Variants in IL1RAPL2 observed in about 807,000 individuals in gnomAD.
IL1RAPL2 encodes the protein X-linked interleukin-1 receptor accessory protein-like 2.
A neutral mutation model predicts 44.1 loss-of-function variants in IL1RAPL2; 3 were observed. The ratio of observed to expected loss-of-function variants is 0.07; its 90% CI spans 0.03 to 0.18. The LOEUF (loss-of-function observed/expected upper bound fraction) is 0.18, where lower values mean the gene tolerates loss of function less well. Among genes scored for constraint, IL1RAPL2 ranks in the 10% least tolerant of loss-of-function variants. IL1RAPL2 has a pLI of 1.00. For missense variants in IL1RAPL2, 391 were observed against 496.4 expected, an observed-to-expected ratio of 0.79 and a Z score of 2.02; for synonymous variants, 181 against 178.8, an observed-to-expected ratio of 1.01 and a Z score of -0.10.
intron 6 of IL1RAPL2, among the ~76,000 whole-genome samples, chrX:105,486,584 A>G (rs1011011718): frequency 9.0e-6 from 1 of 111,244 alleles, no homozygotes; most frequent in Admixed American, 9.6e-5. Context: ...TTGAACTGGG[A>G]TAAAAATATT....
At chrX:104,887,430 T>G (rs995389974) in intron 2 of IL1RAPL2, among the ~76,000 whole-genome samples, 6 of 112,117 alleles carry the variant, frequency 5.4e-5, no homozygotes, top group Admixed American at 9.4e-5. Context: ...GAAATTGATG[T>G]AGTAGCAAAA....
intron 2 of IL1RAPL2, among the ~76,000 whole-genome samples, chrX:104,960,005 C>T (rs929955648): frequency 1.8e-5 from 2 of 111,831 alleles, no homozygotes; most frequent in African/African-American, 3.2e-5. Flanking sequence ...TTCTTTTTCT[C>T]ATTATTATTT....
chrX:105,363,965 TG>T (rs1182505740), intron 5 of IL1RAPL2, among the ~76,000 whole-genome samples: 9 of 111,993 alleles, frequency 8.0e-5, no homozygotes. Context: ...AATATATTTT[TG>T]CTCTTGTTGC....
chrX:105,073,032 TTTC>T (rs2032230726), intron 2 of IL1RAPL2, among the ~76,000 whole-genome samples: 4 of 104,070 alleles, frequency 3.8e-5, no homozygotes, highest in Admixed American at 3.0e-4. Context: ...TGTGCCACAT[TTTC>T]TTTTTTTTTC....
At chrX:105,628,719 G>A (rs1394280570) in intron 6 of IL1RAPL2, among the ~76,000 whole-genome samples, 2 of 112,112 alleles carry the variant, frequency 1.8e-5, no homozygotes, top group African/African-American at 6.5e-5. Context: ...TGGATCACTT[G>A]AGGTCAGGAG....
At chrX:105,039,492 T>G (rs2031683903) in intron 2 of IL1RAPL2, among the ~76,000 whole-genome samples, 1 of 111,895 alleles carries the variant, frequency 8.9e-6, no homozygotes, top group Admixed American at 9.5e-5. Context: ...ATAAATAGGT[T>G]CTGGGTCAAC....
At chrX:104,778,170 T>A (rs1381101352) in intron 2 of IL1RAPL2, among the ~76,000 whole-genome samples, 1 of 110,992 alleles carries the variant, frequency 9.0e-6, no homozygotes, top group Non-Finnish European at 1.9e-5. Context: ...ATTTAAGTTG[T>A]TTGCCCATTT....
chrX:105,568,185 A>C (rs1453279516), intron 6 of IL1RAPL2, among the ~76,000 whole-genome samples: 1 of 111,096 alleles, frequency 9.0e-6, no homozygotes, highest in African/African-American at 3.3e-5. Context: ...ACATCATTTT[A>C]TGTTAGAGCT....
chrX:104,594,323 G>A (rs1002214422), intron 1 of IL1RAPL2, among the ~76,000 whole-genome samples: 1 of 112,117 alleles, frequency 8.9e-6, no homozygotes, highest in Non-Finnish European at 1.9e-5. Flanking sequence ...TGCATTTAGT[G>A]TTCTACTTGT....
At position 104,786,565 on chromosome X, in the gene IL1RAPL2, G is replaced by C. The variant is rs1160631240; in HGVS notation, c.82+127570G>C. The stretch of plus-strand genomic sequence containing the variant: ...ATATAGCTGGGCAATGTAGAATGCA[G>C]GGCTGCTAATAGCTTAACAACTTAA... On this transcript the variant is annotated intron_variant, in intron 2 of 10. Transcript: ENST00000372582. Among the ~76,000 whole-genome samples, 3 of 111,604 alleles carry C rather than the reference G, an allele frequency of 2.7e-5. No individual in the cohort carries two copies. In the Admixed American group the frequency reaches 2.9e-4, roughly 11 times the overall value.
At chrX:105,700,499 C>T (rs1196141240) in intron 6 of IL1RAPL2, among the ~76,000 whole-genome samples, 1 of 111,604 alleles carries the variant, frequency 9.0e-6, no homozygotes, top group African/African-American at 3.2e-5. Context: ...GTCTGTCATT[C>T]TCCCAGGCAA....
At chrX:105,276,765 C>T (rs760770080) in intron 5 of IL1RAPL2, among the ~76,000 whole-genome samples, 2 of 112,094 alleles carry the variant, frequency 1.8e-5, no homozygotes, top group East Asian at 2.8e-4. Context: ...ATTAAACAAG[C>T]GACTGACTGT....
At chrX:105,680,726 T>C (rs1352301998) in intron 6 of IL1RAPL2, among the ~76,000 whole-genome samples, 1 of 112,232 alleles carries the variant, frequency 8.9e-6, no homozygotes, top group Non-Finnish European at 1.9e-5. Flanking sequence ...AAGCAGAGTC[T>C]ACTAAATTAT....
chrX:104,943,629 T>C (rs1925260268), intron 2 of IL1RAPL2, among the ~76,000 whole-genome samples: 1 of 111,365 alleles, frequency 9.0e-6, no homozygotes, highest in Admixed American at 9.6e-5. Flanking sequence ...CACCTCCTCC[T>C]TCTAGTCTTT....
chrX:104,995,522 T>C (rs1053155714), intron 2 of IL1RAPL2, among the ~76,000 whole-genome samples: 3 of 111,695 alleles, frequency 2.7e-5, no homozygotes, highest in African/African-American at 6.5e-5. Flanking sequence ...AATGTGCCCA[T>C]TGTAACTAAA....
intron 2 of IL1RAPL2, among the ~76,000 whole-genome samples, chrX:104,704,372 G>A (rs989893115): frequency 3.6e-5 from 4 of 111,751 alleles, no homozygotes; most frequent in African/African-American, 1.3e-4. Flanking sequence ...GGTTGTGGTA[G>A]TGGTGAACTA....
intron 6 of IL1RAPL2, among the ~76,000 whole-genome samples, chrX:105,709,945 T>G (rs1047022904): frequency 9.0e-6 from 1 of 111,461 alleles, no homozygotes; most frequent in Non-Finnish European, 1.9e-5. Context: ...CAATTCCTCA[T>G]CCAGTGGACT....
rs778677868 is a variant in IL1RAPL2 at position 104,908,847 on chromosome X, G to A, written c.82+249852G>A. On this transcript the variant is annotated intron_variant, in intron 2 of 10. Transcript: ENST00000372582. ...CTGTATTTCCTGAATCTGAATGTTG[G>A]CCTGCCTTGCTAGATTGGGGAAGTT... 9.0e-5 allele frequency among the ~76,000 whole-genome samples: 10 copies of A among 110,548 alleles called. No individual in the cohort carries two copies. In the South Asian group the frequency reaches 1.6e-3, roughly 17 times the overall value.
Position 105,172,109 on chromosome X carries a change from AAC to A in IL1RAPL2, c.83-23364_83-23363del, listed in dbSNP as rs2033429090. 2.7e-5 allele frequency among the ~76,000 whole-genome samples: 3 copies of A among 112,323 alleles called. No individual in the cohort carries two copies. In the South Asian group the frequency reaches 1.1e-3, roughly 41 times the overall value. The stretch of plus-strand genomic sequence containing the variant: ...GGAAGGCATGAGGGTAAAGGGTTTG[AAC>A]AGAGCAAAGGCAGCAAGGGCAAGAG... On this transcript the variant is annotated intron_variant, in intron 2 of 10. Transcript: ENST00000372582.
Sources: gnomAD v4.1 joint callset for allele counts (sites outside exome capture counted in the v4.1 genomes callset) on GRCh38, gnomAD v4.1.1 for gene constraint, MANE v1.5 for transcripts, NCBI Gene and HGNC (gene_info 2026-07-23, HGNC 2026-07-21) for gene names.